GTF3C1: variants seen among roughly 807,000 people sequenced by gnomAD.
GTF3C1 encodes general transcription factor 3C polypeptide 1.
A neutral mutation model predicts 226.7 loss-of-function variants in GTF3C1; 57 were observed. The observed-to-expected ratio is 0.25, with a 90% confidence interval of 0.20 to 0.31. The LOEUF (loss-of-function observed/expected upper bound fraction) is 0.31. Ranked by LOEUF, GTF3C1 falls within the 10% of genes least tolerant of loss-of-function variation. The probability of loss-of-function intolerance (pLI) is 1.00; values close to 1 mark genes in which losing one functional copy is unlikely to be tolerated. For synonymous variants in GTF3C1, 1,090 were observed against 1,084.8 expected (o/e 1.00, Z -0.09); for missense variants, 2,217 against 2,776.1 (o/e 0.80, Z 4.53).
intron 21 of GTF3C1, 79 bp downstream of exon 21, chr16:27,488,964 T>A: frequency 1.5e-6 from 2 of 1,325,402 alleles, no homozygotes; most frequent in Non-Finnish European, 2.2e-6. Flanking sequence ...AGTATTTGTG[T>A]CTCTGGTCAG....
intron 5 of GTF3C1, among the ~76,000 whole-genome samples, chr16:27,529,181 C>G (rs1162722298): frequency 1.3e-5 from 2 of 152,138 alleles, no homozygotes; most frequent in African/African-American, 2.4e-5. Flanking sequence ...CAGTGGCTGA[C>G]ACCTGTAATC....
In GTF3C1 at chr16:27,549,885, G is replaced by A. The variant is rs773760194; in HGVS notation, c.6C>T (p.Asp2=). M[D]ALESLLDEVA... ...CTTCGTCCAACAACGACTCCAGCGC[G>A]TCCATTGCTACTTCAGTCGGCGGCG... The change falls in exon 1 of 37, where the codon GAC becomes GAT. Residue 2 remains aspartate (D), a synonymous_variant. Coordinates refer to ENST00000356183, the MANE Select transcript of GTF3C1 (RefSeq NM_001520.4). 3.1e-6 allele frequency: 5 copies of A among 1,610,192 alleles called. No individual in the cohort carries two copies. Among genetic ancestry groups the A allele is most frequent in the South Asian group, 1.1e-5 (1 of 91,002 alleles).
intron 9 of GTF3C1, among the ~76,000 whole-genome samples, 181 bp from the exon 10 acceptor site, chr16:27,506,297 T>C (rs1027632322): frequency 6.6e-6 from 1 of 152,160 alleles, no homozygotes; most frequent in Non-Finnish European, 1.5e-5. Context: ...CAGCAGGGTT[T>C]CTCCACTTGG....
In GTF3C1 at chr16:27,508,650, G is replaced by A. The variant is rs771961160; in HGVS notation, c.1132C>T (p.Arg378Cys). 15 of 1,612,710 alleles carry A rather than the reference G, an allele frequency of 9.3e-6. No homozygotes were observed. Among genetic ancestry groups the A allele is most frequent in the Middle Eastern group, 1.6e-4 (1 of 6,078 alleles). Residue 378 changes from arginine to cysteine, a missense_variant, in exon 8 of 37, where the codon CGC (arginine) becomes TGC (cysteine). By Grantham distance (180) the Arg-to-Cys change is radical (BLOSUM62 -3). Transcript: ENST00000356183. ...MLTQTYDLIE[R>C]RGTKGISQAE... ...TGGGAAATTCCTTTCGTGCCTCTGC[G>A]CTCAACTGTGAGAAACAATACACGT...
At chr16:27,497,533 G>T in intron 14 of GTF3C1, 104 bp downstream of exon 14, 1 of 870,388 alleles carries the variant, frequency 1.1e-6, no homozygotes, top group Non-Finnish European at 1.8e-6. Context: ...CGATTCTTCT[G>T]ACTGCGGCTC....
At chr16:27,498,109 G>C (rs1235425604) in intron 13 of GTF3C1, among the ~76,000 whole-genome samples, 1 of 152,198 alleles carries the variant, frequency 6.6e-6, no homozygotes, top group Non-Finnish European at 1.5e-5. Context: ...AACGCTAGAA[G>C]TCAGTAATTA....
chr16:27,544,259 C>A (rs765907988), intron 2 of GTF3C1, among the ~76,000 whole-genome samples: 1 of 151,814 alleles, frequency 6.6e-6, no homozygotes, highest in African/African-American at 2.4e-5. Context: ...TGGTGGTATG[C>A]GCCTGTGGTC....
At chr16:27,473,070 G>A (rs185499000) in intron 29 of GTF3C1, among the ~76,000 whole-genome samples, 220 of 152,218 alleles carry the variant, frequency 1.4e-3, no homozygotes, top group African/African-American at 5.0e-3. Context: ...CACTATGCCT[G>A]GTTAATTTTT....
Position 27,476,523 on chromosome 16 carries a change from C to A in GTF3C1, c.4281G>T (p.Leu1427=), listed in dbSNP as rs749415862. 1.2e-6 allele frequency: 2 copies of A among 1,611,254 alleles called. No individual in the cohort carries two copies. Among genetic ancestry groups the A allele is most frequent in the Non-Finnish European group, 1.7e-6 (2 of 1,177,532 alleles). ...ELNSVDDIHF[L]VLQNLIQSTL... ...TGCTCTGGATCAGGTTCTGAAGCAC[C>A]AGAAAGTGGATGTCATCCACGCTGA... Residue 1427 remains leucine, a synonymous_variant, in exon 29 of 37, where the codon CTG becomes CTT. Transcript: ENST00000356183.
intron 6 of GTF3C1, among the ~76,000 whole-genome samples, chr16:27,524,759 C>T (rs1393084780): frequency 6.6e-6 from 1 of 152,224 alleles, no homozygotes; most frequent in African/African-American, 2.4e-5. Context: ...TTACTTCTGT[C>T]TTTTCCTTAA....
At chr16:27,526,439 A>G (rs1178587320) in intron 6 of GTF3C1, among the ~76,000 whole-genome samples, 3 of 152,228 alleles carry the variant, frequency 2.0e-5, no homozygotes, top group Non-Finnish European at 4.4e-5. Context: ...CTGTAGAGAC[A>G]ATGCCAGACT....
intron 1 of GTF3C1, among the ~76,000 whole-genome samples, chr16:27,545,972 C>G (rs1426880946): frequency 6.6e-6 from 1 of 152,140 alleles, no homozygotes; most frequent in Non-Finnish European, 1.5e-5. Flanking sequence ...CCTGAGCCTC[C>G]CAAGGAGCTG....
Position 27,471,798 on chromosome 16 carries a change from C to T in GTF3C1, c.4476G>A (p.Arg1492=), listed in dbSNP as rs769684272. 6.2e-7 allele frequency: 1 copy of T among 1,613,970 alleles called. No homozygotes were observed. Residue 1492 remains arginine (R), a synonymous_variant, in exon 30 of 37, where the codon CGG becomes CGA. Coordinates refer to ENST00000356183, the MANE Select transcript of GTF3C1 (RefSeq NM_001520.4). This position sits in a 1 kb window ranked among gnomAD's most constrained non-coding sequence, Gnocchi z 5.0. ...AGGACATTGGCACGAAGGGGAGGGC[C>T]CGGTTCTTCTTGGGGCCCAGCGTGT... ...VNHTLGPKKN[R]ALPFVPMSYQ...
At chr16:27,505,706 C>T (rs552548457) in intron 10 of GTF3C1, among the ~76,000 whole-genome samples, 193 bp downstream of exon 10, 5 of 152,332 alleles carry the variant, frequency 3.3e-5, no homozygotes, top group South Asian at 4.1e-4. Flanking sequence ...ACAATCTCTG[C>T]GTAGGGCCCA....
At chr16:27,487,154 T>A (rs1308649734) in intron 23 of GTF3C1, among the ~76,000 whole-genome samples, 1 of 152,252 alleles carries the variant, frequency 6.6e-6, no homozygotes, top group Non-Finnish European at 1.5e-5. Context: ...CCACCACATT[T>A]TGCATTGTGA....
intron 5 of GTF3C1, 119 bp from the exon 6 acceptor site, chr16:27,528,840 A>G (rs1464241382): frequency 3.9e-6 from 4 of 1,019,916 alleles, no homozygotes; most frequent in Non-Finnish European, 6.0e-6. Context: ...TTGAGGTACT[A>G]ATGAGGAAAG....
At chr16:27,509,259 T>C (rs2088535362) in intron 7 of GTF3C1, among the ~76,000 whole-genome samples, 1 of 152,198 alleles carries the variant, frequency 6.6e-6, no homozygotes, top group African/African-American at 2.4e-5. Context: ...GCTTGTCTAC[T>C]CCTGGGCTGT....
chr16:27,510,138 C>T (rs576193354), intron 7 of GTF3C1, among the ~76,000 whole-genome samples: 1 of 152,272 alleles, frequency 6.6e-6, no homozygotes, highest in South Asian at 2.1e-4. Context: ...GTAATCCCAG[C>T]ACTTTAGGAG....
chr16:27,511,431 AT>A lies in GTF3C1; in HGVS notation c.1126+317del, dbSNP rs1371102335. 2.6e-5 allele frequency among the ~76,000 whole-genome samples: 4 copies of A among 152,304 alleles called. No homozygotes were observed. In the East Asian group the frequency reaches 7.7e-4, roughly 29 times the overall value. Reference sequence around the variant, plus strand: ...TCAGCATTCATAATTGCATGAGCCAATTACCTTAATAAGCTCCCTCTTATAT... The same window carrying A: ...TCAGCATTCATAATTGCATGAGCCAATACCTTAATAAGCTCCCTCTTATAT... On this transcript the variant is annotated intron_variant, in intron 7 of 36. Transcript: ENST00000356183.
Sources: allele counts gnomAD v4.1 joint callset (sites outside exome capture counted in the v4.1 genomes callset), GRCh38; gene constraint gnomAD v4.1.1; non-coding constraint Gnocchi (gnomAD v3.1); transcripts MANE v1.5; gene names NCBI Gene and HGNC (gene_info 2026-07-23, HGNC 2026-07-21).